SGCZ: variants seen among roughly 807,000 people sequenced by gnomAD.
The protein encoded by SGCZ is sarcoglycan zeta.
Under a neutral mutation model 41.3 loss-of-function variants are expected in SGCZ, and 40 were observed. The ratio of observed to expected loss-of-function variants is 0.97; its 90% CI spans 0.75 to 1.26. The LOEUF is 1.26. SGCZ is among the 50% of genes most tolerant of loss of function. The probability of loss-of-function intolerance (pLI) is 0.00; values close to 1 mark genes in which losing one functional copy is unlikely to be tolerated. For synonymous variants in SGCZ, 206 were observed against 137.5 expected, an observed-to-expected ratio of 1.50 and a Z score of -3.49; for missense variants, 552 against 369.8, an observed-to-expected ratio of 1.49 and a Z score of -4.04.
chr8:14,319,152 C>T (rs1361513320), intron 3 of SGCZ, among the ~76,000 whole-genome samples: 4 of 151,686 alleles, frequency 2.6e-5, no homozygotes, highest in East Asian at 3.9e-4. Flanking sequence ...AAGAAACCAA[C>T]GAATAAAACT....
At chr8:14,862,537 TATATATATA>T (rs1259181912) in intron 1 of SGCZ, among the ~76,000 whole-genome samples, 1 of 3,234 alleles carries the variant, frequency 3.1e-4, no homozygotes, top group Non-Finnish European at 8.2e-4. Flanking sequence ...ATCTTTAAGA[TATATATATA>T]TATATATATA....
intron 3 of SGCZ, among the ~76,000 whole-genome samples, chr8:14,321,313 T>C (rs1210668965): frequency 6.6e-6 from 1 of 152,040 alleles, no homozygotes; most frequent in African/African-American, 2.4e-5. Flanking sequence ...GGTTAACTTT[T>C]GAAAAGCCTG....
chr8:14,334,237 A>T (rs974051453), intron 2 of SGCZ, among the ~76,000 whole-genome samples: 19 of 152,058 alleles, frequency 1.2e-4, no homozygotes, highest in African/African-American at 4.6e-4. Flanking sequence ...GACTCATAAG[A>T]CAACATCTTT....
At chr8:15,208,115 T>C (rs1243663556) in intron 1 of SGCZ, among the ~76,000 whole-genome samples, 1 of 152,206 alleles carries the variant, frequency 6.6e-6, no homozygotes, top group Non-Finnish European at 1.5e-5. Context: ...TAAAACACAT[T>C]GGAAAACAGA....
At chr8:14,313,689 A>T (rs1039165515) in intron 3 of SGCZ, among the ~76,000 whole-genome samples, 6 of 152,148 alleles carry the variant, frequency 3.9e-5, no homozygotes, top group African/African-American at 1.2e-4. Context: ...TATTTTAAGG[A>T]ATTTAAAGAT....
chr8:14,509,878 G>A (rs1036876551), intron 2 of SGCZ, among the ~76,000 whole-genome samples: 1 of 152,020 alleles, frequency 6.6e-6, no homozygotes, highest in African/African-American at 2.4e-5. Flanking sequence ...AAAACCATGA[G>A]ATTTCATGAG....
At chr8:14,941,790 T>C (rs1563379170) in intron 1 of SGCZ, among the ~76,000 whole-genome samples, 1 of 151,734 alleles carries the variant, frequency 6.6e-6, no homozygotes, top group Non-Finnish European at 1.5e-5. Flanking sequence ...TCTTAACATA[T>C]GTTACATGTC....
rs1801618272 is a variant in SGCZ, at chr8:14,089,397, A to C, written c.*1046T>G. 6.6e-6 allele frequency among the ~76,000 whole-genome samples: 1 copy of C among 152,016 alleles called. No individual in the cohort carries two copies. The highest frequency in any genetic ancestry group is 2.1e-4 in the South Asian group (1 of 4,830). On this transcript the variant is annotated 3_prime_UTR_variant, in exon 8 of 8. Transcript: ENST00000382080. ...TTAACCTCCAATAAAAAATAGATGG[A>C]GAATAATTCTGAAGATGATACCCCA...
chr8:14,278,644 G>A (rs2117282597), intron 3 of SGCZ, among the ~76,000 whole-genome samples: 1 of 152,136 alleles, frequency 6.6e-6, no homozygotes, highest in South Asian at 2.1e-4. Flanking sequence ...TATTTACCTA[G>A]CTGTATATAT....
chr8:14,975,809 A>G lies in SGCZ; in HGVS notation c.39+261776T>C, dbSNP rs367631637. ...CACTTTTATATATATATATATATAT[A>G]TGTGTGTGTGTGTGTAGAAATAGTT... On this transcript the variant is annotated intron_variant, in intron 1 of 7. Coordinates refer to ENST00000382080, the MANE Select transcript of SGCZ (RefSeq NM_139167.4). 6.2e-3 allele frequency among the ~76,000 whole-genome samples: 815 copies of G among 131,890 alleles called. 4 individuals carry two copies. The highest frequency in any genetic ancestry group is 0.02 in the African/African-American group (597 of 29,578). The allele number at this position is 131,890 out of a possible 152,430, so 86.5% of individuals were successfully genotyped here.
At chr8:14,219,014 G>A (rs141847493) in intron 4 of SGCZ, among the ~76,000 whole-genome samples, 86 of 152,328 alleles carry the variant, frequency 5.6e-4, no homozygotes, top group African/African-American at 1.9e-3. Flanking sequence ...AAACTGGAGA[G>A]GTGAAAAAGC....
At chr8:14,629,665 A>C (rs1806581610) in intron 1 of SGCZ, among the ~76,000 whole-genome samples, 2 of 152,270 alleles carry the variant, frequency 1.3e-5, no homozygotes, top group South Asian at 4.1e-4. Flanking sequence ...ATTTGTCCAA[A>C]GGTGAATCCT....
At chr8:14,621,202 C>A (rs1456679035) in intron 1 of SGCZ, among the ~76,000 whole-genome samples, 2 of 148,708 alleles carry the variant, frequency 1.3e-5, no homozygotes, top group East Asian at 4.0e-4. Context: ...AAAACCAAAA[C>A]CGCATGTTCT....
At position 14,650,430 on chromosome 8, in the gene SGCZ, T is replaced by A. The variant is rs1481833461; in HGVS notation, c.40-95504A>T. On this transcript the variant is annotated intron_variant, in intron 1 of 7. Coordinates refer to ENST00000382080, the MANE Select transcript of SGCZ (RefSeq NM_139167.4). The stretch of plus-strand genomic sequence containing the variant: ...CAATTCATGTCATGGGGGTTTGTTG[T>A]ACAGATTGTTTCATCACACAGGTAC... Among the ~76,000 whole-genome samples, 3 of 152,174 alleles carry A rather than the reference T, an allele frequency of 2.0e-5. No homozygotes were observed. The East Asian group carries it at 5.8e-4, about 29-fold the overall frequency.
chr8:14,116,973 G>C lies in SGCZ; in HGVS notation c.548-8738C>G, dbSNP rs1322813924. ...ATTACTGCTTTTTGCAATTTATAAC[G>C]ATTAAAATTATCCATAGTTTACAGG... On this transcript the variant is annotated intron_variant, in intron 5 of 7. Transcript: ENST00000382080. 3.9e-5 allele frequency among the ~76,000 whole-genome samples: 6 copies of C among 151,958 alleles called. No individual in the cohort carries two copies. In the South Asian group the frequency reaches 1.2e-3, roughly 31 times the overall value.
Position 14,542,746 on chromosome 8 carries a change from T to C in SGCZ, c.234+11986A>G, listed in dbSNP as rs546229464. Reference sequence around the variant, plus strand: ...CAGTGTTTTGGTTTATGTGTTTTTATTTGCATTATTTTGGGTTGTTATCAT... The same window carrying C: ...CAGTGTTTTGGTTTATGTGTTTTTACTTGCATTATTTTGGGTTGTTATCAT... On this transcript the variant is annotated intron_variant, in intron 2 of 7. Coordinates refer to ENST00000382080, the MANE Select transcript of SGCZ (RefSeq NM_139167.4). Among the ~76,000 whole-genome samples the C allele has an allele frequency of 2.6e-5, 4 of 152,184 alleles. No homozygotes were observed. The East Asian group carries it at 7.7e-4, about 29-fold the overall frequency.
At chr8:14,902,858 T>G (rs1054709050) in intron 1 of SGCZ, among the ~76,000 whole-genome samples, 1 of 152,136 alleles carries the variant, frequency 6.6e-6, no homozygotes, top group Non-Finnish European at 1.5e-5. Flanking sequence ...AATTTTGCTA[T>G]AATAAATACT....
intron 1 of SGCZ, among the ~76,000 whole-genome samples, chr8:14,930,862 G>A (rs1252160412): frequency 6.6e-6 from 1 of 151,918 alleles, no homozygotes. Flanking sequence ...GATAGCATTG[G>A]GAGAAATACC....
intron 1 of SGCZ, among the ~76,000 whole-genome samples, chr8:14,973,382 T>C (rs1259967242): frequency 1.3e-5 from 2 of 152,190 alleles, no homozygotes; most frequent in Non-Finnish European, 2.9e-5. Flanking sequence ...TGCTGGTTGG[T>C]AAAGCCAACT....
Sources: gnomAD v4.1 joint callset for allele counts (sites outside exome capture counted in the v4.1 genomes callset) on GRCh38, gnomAD v4.1.1 for gene constraint, MANE v1.5 for transcripts, NCBI Gene and HGNC (gene_info 2026-07-23, HGNC 2026-07-21) for gene names.